GRIA3: variants seen among roughly 807,000 people sequenced by gnomAD.
GRIA3 encodes glutamate receptor 3.
GRIA3 carries 3 observed loss-of-function variants against 63.0 expected under a neutral mutation model. The observed-to-expected ratio is 0.05, with a 90% CI of 0.02 to 0.12. The LOEUF (loss-of-function observed/expected upper bound fraction) is 0.12, where lower values mean the gene tolerates loss of function less well. Ranked by LOEUF, GRIA3 falls within the 10% of genes least tolerant of loss-of-function variation. The pLI is 1.00. For missense variants in GRIA3, 347 were observed against 700.9 expected (o/e 0.50, Z 5.70); for synonymous variants, 274 against 257.9 (o/e 1.06, Z -0.60).
At chrX:123,362,242 C>T (rs2045180123) in intron 5 of GRIA3, among the ~76,000 whole-genome samples, 1 of 111,800 alleles carries the variant, frequency 8.9e-6, no homozygotes, top group Non-Finnish European at 1.9e-5. Context: ...TCAGACCAGA[C>T]TTGCATAGCT....
At chrX:123,188,855 C>A (rs1450081844) in intron 2 of GRIA3, among the ~76,000 whole-genome samples, 1 of 111,660 alleles carries the variant, frequency 9.0e-6, no homozygotes, top group Non-Finnish European at 1.9e-5. Context: ...AAGGGTAATT[C>A]TTTCATATAT....
intron 11 of GRIA3, among the ~76,000 whole-genome samples, chrX:123,421,078 A>G (rs759390510): frequency 9.0e-6 from 1 of 111,060 alleles, no homozygotes; most frequent in South Asian, 3.9e-4. Context: ...GTTACAATTC[A>G]ACCCAGAAAT....
chrX:123,298,579 G>A (rs778624342), intron 3 of GRIA3, among the ~76,000 whole-genome samples: 1 of 111,063 alleles, frequency 9.0e-6, no homozygotes, highest in Non-Finnish European at 1.9e-5. Context: ...TAATGGGGTC[G>A]TTTGCTTTTT....
chrX:123,310,329 A>G, intron 3 of GRIA3, among the ~76,000 whole-genome samples: 1 of 112,675 alleles, frequency 8.9e-6, no homozygotes, highest in Non-Finnish European at 1.9e-5. Flanking sequence ...CTTTGCAAAT[A>G]TTATAGTTAG....
At chrX:123,336,388 C>T (rs1335126809) in intron 4 of GRIA3, among the ~76,000 whole-genome samples, 2 of 111,681 alleles carry the variant, frequency 1.8e-5, no homozygotes, top group Non-Finnish European at 3.8e-5. Context: ...CCACCTGGCT[C>T]GTCCAGTCAA....
chrX:123,223,771 C>T (rs1013093500), intron 2 of GRIA3, among the ~76,000 whole-genome samples: 1 of 111,721 alleles, frequency 9.0e-6, no homozygotes, highest in African/African-American at 3.3e-5. Flanking sequence ...AATTCCCATA[C>T]TACAAAGATC....
chrX:123,452,821 G>A (rs1335120224), intron 12 of GRIA3, among the ~76,000 whole-genome samples: 1 of 111,788 alleles, frequency 8.9e-6, no homozygotes, highest in Non-Finnish European at 1.9e-5. Context: ...ATCCTTGATT[G>A]AGAGTCAGGG....
At chrX:123,311,422 G>A (rs1209779071) in intron 3 of GRIA3, among the ~76,000 whole-genome samples, 3 of 111,961 alleles carry the variant, frequency 2.7e-5, no homozygotes, top group Non-Finnish European at 5.6e-5. Context: ...TAATTAGAGC[G>A]TAAAGAATGT....
At chrX:123,444,639 G>A (rs1168128655) in intron 12 of GRIA3, among the ~76,000 whole-genome samples, 1 of 111,167 alleles carries the variant, frequency 9.0e-6, no homozygotes, top group Non-Finnish European at 1.9e-5. Flanking sequence ...GATCTGTGAG[G>A]AGAATATGAG....
intron 14 of GRIA3, 170 bp from the exon 15 acceptor site, chrX:123,482,629 C>T: frequency 1.9e-6 from 1 of 539,285 alleles, no homozygotes. Flanking sequence ...AATCTACCGT[C>T]TTGCTGGTCA....
At chrX:123,255,885 C>A (rs745889633) in intron 3 of GRIA3, among the ~76,000 whole-genome samples, 1 of 110,946 alleles carries the variant, frequency 9.0e-6, no homozygotes, top group Admixed American at 9.7e-5. Context: ...TACTAGGATC[C>A]TGTTCCAAAA....
chrX:123,337,923 G>A (rs2044984367), intron 4 of GRIA3, among the ~76,000 whole-genome samples: 1 of 111,768 alleles, frequency 8.9e-6, no homozygotes, highest in Admixed American at 9.5e-5. Flanking sequence ...TTTTCTCAAA[G>A]GTGCAAAGGG....
intron 2 of GRIA3, among the ~76,000 whole-genome samples, chrX:123,233,557 T>C (rs909456583): frequency 2.7e-5 from 3 of 111,643 alleles, no homozygotes; most frequent in African/African-American, 9.8e-5. Context: ...ACAGATCTAT[T>C]GCTGCCCCAC....
intron 5 of GRIA3, among the ~76,000 whole-genome samples, chrX:123,368,172 C>T (rs186981267): frequency 1.8e-5 from 2 of 111,259 alleles, no homozygotes. Context: ...TGGGACTAGT[C>T]GGAACTGATT....
At chrX:123,311,859 A>G (rs2044795078) in intron 3 of GRIA3, among the ~76,000 whole-genome samples, 1 of 112,126 alleles carries the variant, frequency 8.9e-6, no homozygotes, top group Middle Eastern at 4.6e-3. Context: ...TATGATTCCA[A>G]CTTTCCTGGA....
chrX:123,312,402 T>A (rs1221126826), intron 3 of GRIA3, among the ~76,000 whole-genome samples: 1 of 111,852 alleles, frequency 8.9e-6, no homozygotes, highest in Non-Finnish European at 1.9e-5. Flanking sequence ...TCTTAATGAA[T>A]GAAAGGTTTG....
chrX:123,479,382 T>C (rs2045901737), intron 13 of GRIA3, among the ~76,000 whole-genome samples: 1 of 111,724 alleles, frequency 9.0e-6, no homozygotes, highest in Non-Finnish European at 1.9e-5. Flanking sequence ...ACTCCCCTTA[T>C]CCAAAACAGA....
At chrX:123,440,448 A>G (rs1178400774) in intron 12 of GRIA3, among the ~76,000 whole-genome samples, 1 of 111,987 alleles carries the variant, frequency 8.9e-6, no homozygotes, top group Non-Finnish European at 1.9e-5. Context: ...CTGCAACCTC[A>G]CCAGCATCTA....
intron 5 of GRIA3, among the ~76,000 whole-genome samples, chrX:123,379,424 C>T (rs1456749589): frequency 2.7e-5 from 3 of 110,577 alleles, no homozygotes; most frequent in Non-Finnish European, 5.7e-5. Flanking sequence ...ACACCTCCTG[C>T]TCTTTAGCCC....
Sources: gnomAD v4.1 joint callset for allele counts (sites outside exome capture counted in the v4.1 genomes callset) on GRCh38, gnomAD v4.1.1 for gene constraint, MANE v1.5 for transcripts, NCBI Gene and HGNC (gene_info 2026-07-23, HGNC 2026-07-21) for gene names.